Variants in LRWD1 observed in about 807,000 individuals in gnomAD.
LRWD1 encodes the protein leucine-rich repeat and WD repeat-containing protein 1.
In LRWD1, 76 loss-of-function variants were observed where a neutral mutation model predicts 75.6. The ratio of observed to expected loss-of-function variants is 1.01; its 90% CI spans 0.84 to 1.22. LRWD1 has a LOEUF of 1.22. Ranked by LOEUF, LRWD1 falls within the 50% of genes most tolerant of loss-of-function variation. The pLI is 0.00. For synonymous variants in LRWD1, 487 were observed against 377.0 expected, an observed-to-expected ratio of 1.29 and a Z score of -3.38; for missense variants, 917 against 862.0, an observed-to-expected ratio of 1.06 and a Z score of -0.80.
At chr7:102,468,753 C>CT in intron 8 of LRWD1, 99 bp downstream of exon 8, 1 of 1,526,320 alleles carries the variant, frequency 6.6e-7, no homozygotes, top group Non-Finnish European at 8.8e-7. Flanking sequence ...GCCCCATGGC[C>CT]TTTTTCTTTC....
rs761562837 is a variant in LRWD1, at chr7:102,472,683, TC to T, written c.1691-6del. The T allele has an allele frequency of 1.2e-6, 2 of 1,613,402 alleles. No homozygotes were observed. Among genetic ancestry groups the T allele is most frequent in the African/African-American group, 1.3e-5 (1 of 75,050 alleles). On this transcript the variant is annotated splice_region_variant and splice_polypyrimidine_tract_variant and intron_variant, in intron 13 of 14. Coordinates refer to ENST00000292616, the MANE Select transcript of LRWD1 (RefSeq NM_152892.3). ...TGCCCCCACTCAGACTCCACCTCTG[TC>T]CCGGCAGATAAGGGGATTGTGCTCT... is the stretch of plus-strand genomic sequence containing the variant.
chr7:102,468,344 TG>T lies in LRWD1; in HGVS notation c.889del (p.Ala297ProfsTer27). On this transcript the variant is annotated frameshift_variant, in exon 7 of 15. Coordinates refer to ENST00000292616, the MANE Select transcript of LRWD1 (RefSeq NM_152892.3). LOFTEE classifies it high-confidence loss of function. The stretch of plus-strand genomic sequence containing the variant: ...CCCCCAGGACCTCGAGACCCAGCTG[TG>T]GGCCTGTGCCTTCGAGCCGGCCTGG... Reference protein sequence around the residue: ...NSPQDLETQLWACAFEPAWEE... With the variant: ...NSPQDLETQLXACAFEPAWEE... The T allele has an allele frequency of 6.2e-7, 1 of 1,611,734 alleles. No homozygotes were observed. The highest frequency in any genetic ancestry group is 8.5e-7 in the Non-Finnish European group (1 of 1,179,268).
Position 102,467,775 on chromosome 7 carries a change from T to A in LRWD1, c.630T>A (p.Ala210=). The A allele has an allele frequency of 5.8e-6, 9 of 1,551,894 alleles. No individual in the cohort carries two copies. Among genetic ancestry groups the A allele is most frequent in the Non-Finnish European group, 7.8e-6 (9 of 1,147,358 alleles). Residue 210 remains alanine (A), a synonymous_variant, in exon 5 of 15, where the codon GCT becomes GCA. Coordinates refer to ENST00000292616, the MANE Select transcript of LRWD1 (RefSeq NM_152892.3). ...VAASRTQVQK[A]NSPEKPPEAG... is the part of the protein sequence containing the mutation. ...CCAGTAGGACCCAGGTGCAAAAGGCTAACAGCCCAGAGAAGCCCCCAGAAG... is the reference window on the plus strand; with the variant it reads ...CCAGTAGGACCCAGGTGCAAAAGGCAAACAGCCCAGAGAAGCCCCCAGAAG...
At chr7:102,469,710 C>T (rs1798128306) in intron 10 of LRWD1, 32 bp from the exon 11 acceptor site, 1 of 1,612,740 alleles carries the variant, frequency 6.2e-7, no homozygotes, top group Admixed American at 1.7e-5. Context: ...CGGTCTGGGT[C>T]TGATGCTCTG....
At chr7:102,468,008 G>A (rs1798064690) in intron 5 of LRWD1, 54 bp from the exon 6 acceptor site, 5 of 1,585,798 alleles carry the variant, frequency 3.2e-6, no homozygotes, top group Non-Finnish European at 4.3e-6. Context: ...CCTGTGATGG[G>A]GAGGAAGGAA....
intron 1 of LRWD1, 78 bp from the exon 2 acceptor site, chr7:102,465,739 C>T (rs781108296): frequency 6.8e-6 from 7 of 1,036,372 alleles, no homozygotes; most frequent in Admixed American, 2.0e-5. Context: ...GGTGAAAAAG[C>T]CTTCTGAGGT....
At chr7:102,469,169 C>T (rs1000182471) in intron 9 of LRWD1, 107 bp downstream of exon 9, 20 of 1,019,384 alleles carry the variant, frequency 2.0e-5, no homozygotes, top group African/African-American at 1.8e-4. Flanking sequence ...GGGCGCCTGC[C>T]GGGCCCCAGT....
Position 102,467,526 on chromosome 7 carries a change from C to T in LRWD1, c.573+47C>T, listed in dbSNP as rs187183988. 1.6e-5 allele frequency: 26 copies of T among 1,602,600 alleles called. No homozygotes were observed. The African/African-American group carries it at 3.2e-4, about 20-fold the overall frequency. ...CAGGGAGTCACTGGCTCTCGTATCT[C>T]TAGCTGCCTGGAGGTCCCTGGCCAT... On this transcript the variant is annotated intron_variant, in intron 4 of 14. Coordinates refer to ENST00000292616, the MANE Select transcript of LRWD1 (RefSeq NM_152892.3).
chr7:102,472,050 G>A (rs1377963854), intron 11 of LRWD1, 168 bp from the exon 12 acceptor site: 8 of 655,720 alleles, frequency 1.2e-5, no homozygotes, highest in Admixed American at 2.5e-5. Flanking sequence ...CCCCCTTCCA[G>A]GGCAAACTGA....
In LRWD1 at chr7:102,469,893, G is replaced by A. The variant is rs764109504; in HGVS notation, c.1442+11G>A. 7.9e-6 allele frequency: 12 copies of A among 1,519,248 alleles called. No homozygotes were observed. In the East Asian group the frequency reaches 2.8e-4, roughly 35 times the overall value. The allele number at this position is 1,519,248 out of a possible 1,614,324, so 94.1% of individuals were successfully genotyped here. ...GCCCCAAAAGAGGAGGTGAGGCTGG[G>A]CAGGGGGCGCCTTGGAAGCCAGGCC... is the stretch of plus-strand genomic sequence containing the variant. On this transcript the variant is annotated intron_variant, in intron 11 of 14. Coordinates refer to ENST00000292616, the MANE Select transcript of LRWD1 (RefSeq NM_152892.3).
intron 11 of LRWD1, chr7:102,470,193 T>A (rs1798143565): frequency 2.9e-6 from 1 of 345,760 alleles, no homozygotes; most frequent in East Asian, 4.8e-5. Flanking sequence ...GATGGTCCTC[T>A]GTGCTGGCAT....
At position 102,472,984 on chromosome 7, in the gene LRWD1, G is replaced by A; in HGVS notation, c.1879G>A (p.Ala627Thr). Residue 627 changes from alanine to threonine, a missense_variant, in exon 15 of 15, where the codon GCC becomes ACC. Physicochemically the swap from Ala to Thr is moderately conservative, Grantham distance 58 (BLOSUM62 0). Transcript: ENST00000292616. ...CATGGTGAACACAGTGGTGGCCAAT[G>A]CCTCCTTCACCTACCTCACCGCCCT... ...KTMVNTVVAN[A>T]SFTYLTALTD... The A allele has an allele frequency of 6.2e-7, 1 of 1,614,054 alleles. No individual in the cohort carries two copies. Among genetic ancestry groups the A allele is most frequent in the Non-Finnish European group, 8.5e-7 (1 of 1,179,988 alleles).
chr7:102,472,834 G>A, intron 14 of LRWD1, 30 bp downstream of exon 14: 1 of 1,612,264 alleles, frequency 6.2e-7, no homozygotes, highest in East Asian at 2.2e-5. Flanking sequence ...GCCCAGGCTT[G>A]GGCTGGCAAG....
Position 102,467,170 on chromosome 7 carries a change from GGGTGTGTGTGT to G in LRWD1, c.433-167_433-157del, listed in dbSNP as rs1266307189. On this transcript the variant is annotated intron_variant, in intron 3 of 14. Coordinates refer to ENST00000292616, the MANE Select transcript of LRWD1 (RefSeq NM_152892.3). ...CTGGGTTGTTGCTGGGGTGTGTGTGGGGTGTGTGTGTGTGTGTGTGTGTGTGTGTGTGTGTG... is the reference window on the plus strand; with the variant it reads ...CTGGGTTGTTGCTGGGGTGTGTGTGGGTGTGTGTGTGTGTGTGTGTGTGTG... Among the ~76,000 whole-genome samples the G allele has an allele frequency of 1.3e-3, 73 of 54,344 alleles. 1 individual carries two copies. Among genetic ancestry groups the G allele is most frequent in the African/African-American group, 3.9e-3 (68 of 17,404 alleles). 35.7% of individuals were successfully genotyped at this position (54,344 alleles called of 152,430 possible). A position where few individuals can be genotyped will look rare whatever the true frequency, so the allele number is the denominator to read the frequency against.
rs1468548829 is a variant in LRWD1, at chr7:102,468,106, C to T, written c.723C>T (p.Ser241=). 6.2e-7 allele frequency: 1 copy of T among 1,610,444 alleles called. No homozygotes were observed. The highest frequency in any genetic ancestry group is 8.5e-7 in the Non-Finnish European group (1 of 1,179,506). Residue 241 remains serine, a synonymous_variant, in exon 6 of 15, where the codon AGC becomes AGT. Coordinates refer to ENST00000292616, the MANE Select transcript of LRWD1 (RefSeq NM_152892.3). ...ALKRPDDVPL[S]LSPSKRACAS... ...AACGGCCAGACGACGTCCCACTCAG[C>T]CTCTCTCCCAGCAAGCGGGCGTGTG...
At chr7:102,466,778 T>C (rs1274179152) in intron 3 of LRWD1, among the ~76,000 whole-genome samples, 2 of 108,236 alleles carry the variant, frequency 1.8e-5, no homozygotes, top group East Asian at 5.4e-4. Flanking sequence ...TTTTTTTTTT[T>C]TTTTTTTTTT....
intron 14 of LRWD1, 30 bp from the exon 15 acceptor site, chr7:102,472,874 GAGCCC>G (rs752846103): frequency 1.7e-5 from 27 of 1,611,750 alleles, no homozygotes; most frequent in East Asian, 4.5e-5. Flanking sequence ...TGGTCAGCAG[GAGCCC>G]AGCCCAGCCC....
chr7:102,467,129 G>GTT (rs1178230291), intron 3 of LRWD1, among the ~76,000 whole-genome samples: 2 of 144,412 alleles, frequency 1.4e-5, no homozygotes, highest in Non-Finnish European at 3.0e-5. Flanking sequence ...GTGTGTGTGT[G>GTT]TGTGTGTGTA....
intron 11 of LRWD1, 197 bp downstream of exon 11, chr7:102,470,079 T>C (rs1036452981): frequency 9.8e-5 from 67 of 684,480 alleles, no homozygotes; most frequent in Non-Finnish European, 1.4e-4. Context: ...TCACCCTGGG[T>C]TCAGCTGTGG....
Sources: allele counts gnomAD v4.1 joint callset (sites outside exome capture counted in the v4.1 genomes callset), GRCh38; gene constraint gnomAD v4.1.1; transcripts MANE v1.5; gene names NCBI Gene and HGNC (gene_info 2026-07-23, HGNC 2026-07-21).